Variants in PRKCB observed in about 807,000 individuals in gnomAD.
The protein encoded by PRKCB is protein kinase C beta.
A neutral mutation model predicts 81.5 loss-of-function variants in PRKCB; 13 were observed. The ratio of observed to expected loss-of-function variants is 0.16; its 90% confidence interval spans 0.10 to 0.25. The LOEUF (loss-of-function observed/expected upper bound fraction) is 0.25, where lower values mean the gene tolerates loss of function less well. Among genes scored for constraint, PRKCB ranks in the 10% least tolerant of loss-of-function variants. The pLI, the probability that PRKCB is intolerant of heterozygous loss-of-function variation, is 1.00. For synonymous variants in PRKCB, 335 were observed against 321.4 expected (o/e 1.04, Z -0.45); for missense variants, 509 against 875.7 (o/e 0.58, Z 5.29).
intron 9 of PRKCB, among the ~76,000 whole-genome samples, chr16:24,151,021 A>G (rs1429585570): frequency 6.6e-6 from 1 of 152,242 alleles, no homozygotes; most frequent in Non-Finnish European, 1.5e-5. Context: ...TGCGGAGCAC[A>G]TAGCATTGCT....
At chr16:23,899,880 C>G (rs1597235425) in intron 2 of PRKCB, among the ~76,000 whole-genome samples, 1 of 151,334 alleles carries the variant, frequency 6.6e-6, no homozygotes, top group Non-Finnish European at 1.5e-5. Flanking sequence ...AGAGATAGGG[C>G]CTTGCTATGT....
chr16:23,962,102 G>A (rs1964433878), intron 2 of PRKCB, among the ~76,000 whole-genome samples: 1 of 152,156 alleles, frequency 6.6e-6, no homozygotes, highest in Admixed American at 6.5e-5. Flanking sequence ...ATCATCTGAT[G>A]ATTTCCACTC....
At chr16:24,177,881 C>T (rs911828195) in intron 12 of PRKCB, among the ~76,000 whole-genome samples, 4 of 151,956 alleles carry the variant, frequency 2.6e-5, no homozygotes, top group Non-Finnish European at 5.9e-5. Context: ...TTGATGAATT[C>T]CTTTTCAGGT....
intron 5 of PRKCB, among the ~76,000 whole-genome samples, chr16:24,090,980 T>G (rs1966369194): frequency 6.6e-6 from 1 of 152,220 alleles, no homozygotes; most frequent in Admixed American, 6.5e-5. Context: ...TCCAGCCTTT[T>G]CCCTATGGGC....
rs183754226 is a variant in PRKCB, at chr16:24,072,182, A to G, written c.530-20609A>G. The stretch of plus-strand genomic sequence containing the variant: ...TGCTATTTAGTTCCAAAACATTTCC[A>G]TCATTCCAAAATAAAGCCCCATACT... On this transcript the variant is annotated intron_variant, in intron 5 of 16. Transcript: ENST00000643927. 1.5e-3 allele frequency among the ~76,000 whole-genome samples: 226 copies of G among 152,226 alleles called. 1 individual carries two copies. Among genetic ancestry groups the G allele is most frequent in the African/African-American group, 5.2e-3 (215 of 41,544 alleles).
In PRKCB at chr16:24,163,586, C is replaced by G. The variant is rs1404200302; in HGVS notation, c.1240-8684C>G. Among the ~76,000 whole-genome samples, 3 of 152,204 alleles carry G rather than the reference C, an allele frequency of 2.0e-5. No individual in the cohort carries two copies. In the East Asian group the frequency reaches 5.8e-4, roughly 29 times the overall value. ...AAACTTTGGCCTCTATGTGGAGGGACAAGGCTTAGAAAGCTGAAAACAAAC... is the reference window on the plus strand; with the variant it reads ...AAACTTTGGCCTCTATGTGGAGGGAGAAGGCTTAGAAAGCTGAAAACAAAC... On this transcript the variant is annotated intron_variant, in intron 10 of 16. Transcript: ENST00000643927.
At chr16:24,185,087 G>GA (rs1470674696) in intron 13 of PRKCB, 24 bp from the exon 14 acceptor site, 1 of 1,607,014 alleles carries the variant, frequency 6.2e-7, no homozygotes, top group East Asian at 2.2e-5. Flanking sequence ...AAACCTCCCT[G>GA]ATAGGGTGCC....
intron 7 of PRKCB, among the ~76,000 whole-genome samples, chr16:24,111,649 A>G (rs563207734): frequency 2.0e-5 from 3 of 150,958 alleles, no homozygotes; most frequent in Non-Finnish European, 4.4e-5. Flanking sequence ...AGAAAAAAAA[A>G]ACAGCCAGGT....
At chr16:23,837,161 C>A in intron 1 of PRKCB, 1 of 656,420 alleles carries the variant, frequency 1.5e-6, no homozygotes, top group South Asian at 1.6e-5. Context: ...GTGGTCGCAG[C>A]CTCCTCTCTT....
intron 7 of PRKCB, among the ~76,000 whole-genome samples, chr16:24,104,139 T>A (rs1966547208): frequency 6.6e-6 from 1 of 152,216 alleles, no homozygotes; most frequent in South Asian, 2.1e-4. Context: ...ATATTGTCCT[T>A]TTGTTTGCTT....
At chr16:23,953,458 G>C (rs903993890) in intron 2 of PRKCB, among the ~76,000 whole-genome samples, 1 of 152,212 alleles carries the variant, frequency 6.6e-6, no homozygotes, top group African/African-American at 2.4e-5. Flanking sequence ...CAGCTGGGGA[G>C]AAAGCATGGG....
At chr16:24,107,742 CTCTTGCATATGAATGGGAA>C (rs1966596906) in intron 7 of PRKCB, among the ~76,000 whole-genome samples, 1 of 152,206 alleles carries the variant, frequency 6.6e-6, no homozygotes, top group South Asian at 2.1e-4. Flanking sequence ...GACATGTCTC[CTCTTGCATATGAATGGGAA>C]TCGGCAACCC....
At chr16:24,205,575 T>C (rs961811037) in intron 16 of PRKCB, among the ~76,000 whole-genome samples, 11 of 152,168 alleles carry the variant, frequency 7.2e-5, no homozygotes, top group African/African-American at 2.7e-4. Flanking sequence ...ACTAAACCCA[T>C]TTTCTCATTG....
intron 2 of PRKCB, among the ~76,000 whole-genome samples, chr16:23,888,308 A>T (rs1213764533): frequency 6.6e-6 from 1 of 152,218 alleles, no homozygotes; most frequent in African/African-American, 2.4e-5. Context: ...AGCTTGGCTC[A>T]GCTAAAGGAA....
At chr16:23,943,622 A>G (rs1964166458) in intron 2 of PRKCB, among the ~76,000 whole-genome samples, 1 of 152,242 alleles carries the variant, frequency 6.6e-6, no homozygotes, top group South Asian at 2.1e-4. Context: ...TAGCTCATAT[A>G]ATATACAGAC....
intron 2 of PRKCB, among the ~76,000 whole-genome samples, chr16:23,976,245 C>T (rs1964623674): frequency 6.6e-6 from 1 of 152,008 alleles, no homozygotes; most frequent in South Asian, 2.1e-4. Context: ...TTGCAGTGAG[C>T]CATAATCGCA....
intron 3 of PRKCB, among the ~76,000 whole-genome samples, chr16:24,002,520 TG>T: frequency 6.6e-6 from 1 of 152,016 alleles, no homozygotes; most frequent in African/African-American, 2.4e-5. Context: ...TTGTATTTTT[TG>T]TAGAGACGGG....
intron 3 of PRKCB, among the ~76,000 whole-genome samples, chr16:24,000,582 A>G (rs1258482840): frequency 6.6e-6 from 1 of 152,258 alleles, no homozygotes; most frequent in East Asian, 1.9e-4. Context: ...AAAATATTTA[A>G]AATGAGAAAG....
At chr16:24,021,040 C>CTTTCTTTCTTTCTTTT in intron 3 of PRKCB, among the ~76,000 whole-genome samples, 1 of 72,402 alleles carries the variant, frequency 1.4e-5, no homozygotes, top group South Asian at 4.9e-4. Flanking sequence ...TTCTTTCTTT[C>CTTTCTTTCTTTCTTTT]TCTTTCTTTC....
Sources: allele counts gnomAD v4.1 joint callset (sites outside exome capture counted in the v4.1 genomes callset), GRCh38; gene constraint gnomAD v4.1.1; transcripts MANE v1.5; gene names NCBI Gene and HGNC (gene_info 2026-07-23, HGNC 2026-07-21).